The following SLC11A1 variants were observed in gnomAD, a reference collection of about 807,000 sequenced individuals.
SLC11A1 encodes the protein natural resistance-associated macrophage protein 1.
Under a neutral mutation model 63.2 loss-of-function variants are expected in SLC11A1, and 59 were observed. The observed-to-expected ratio is 0.93, with a 90% CI of 0.76 to 1.16. The LOEUF (loss-of-function observed/expected upper bound fraction) is 1.16, where lower values mean the gene tolerates loss of function less well. SLC11A1 is among the 50% of genes most tolerant of loss of function. The probability of loss-of-function intolerance (pLI) is 0.00; values close to 1 mark genes in which losing one functional copy is unlikely to be tolerated. For synonymous variants in SLC11A1, 305 were observed against 307.8 expected (o/e 0.99, Z 0.09); for missense variants, 688 against 730.7 (o/e 0.94, Z 0.67).
chr2:218,394,124 C>CGT lies in SLC11A1; in HGVS notation c.1320_1321dup (p.Phe441CysfsTer25). 2 of 1,614,022 alleles carry CGT rather than the reference C, an allele frequency of 1.2e-6. No individual in the cohort carries two copies. Among genetic ancestry groups the CGT allele is most frequent in the Non-Finnish European group, 1.7e-6 (2 of 1,179,998 alleles). ...GGCTCCTGCTGCTCTCCCCAGCTCC[C>CGT]GTTCGCCGTGCTGCCCATCCTCACG... On this transcript the variant is annotated frameshift_variant, in exon 13 of 15. Transcript: ENST00000233202. LOFTEE classifies it high-confidence loss of function.
In SLC11A1 at chr2:218,394,698, C is replaced by T; in HGVS notation, c.1455C>T (p.Val485=). Reference sequence around the variant, plus strand: ...GCGCCATCAACCTCTACTTCGTGGTCAGCTATCTGCCCAGCCTGCCCCACC... The same window carrying T: ...GCGCCATCAACCTCTACTTCGTGGTTAGCTATCTGCCCAGCCTGCCCCACC... ...LVCAINLYFV[V]SYLPSLPHPA... The change falls in exon 14 of 15, where the codon GTC becomes GTT. Residue 485 remains valine, a synonymous_variant. Transcript: ENST00000233202. The T allele has an allele frequency of 1.9e-6, 3 of 1,614,112 alleles. No homozygotes were observed. The highest frequency in any genetic ancestry group is 2.2e-5 in the East Asian group (1 of 44,892).
chr2:218,385,405 T>C (rs771873591), intron 4 of SLC11A1, 139 bp downstream of exon 4: 1 of 1,338,184 alleles, frequency 7.5e-7, no homozygotes, highest in South Asian at 1.2e-5. Context: ...GTTTGTTTGT[T>C]TTTCAGTCGG....
chr2:218,387,983 C>A lies in SLC11A1; in HGVS notation c.795+28C>A, dbSNP rs528282596. The A allele has an allele frequency of 4.4e-5, 69 of 1,563,698 alleles. No individual in the cohort carries two copies. The South Asian group carries it at 7.5e-4, about 17-fold the overall frequency. On this transcript the variant is annotated intron_variant, in intron 8 of 14. Coordinates refer to ENST00000233202, the MANE Select transcript of SLC11A1 (RefSeq NM_000578.4). ...GAGCAGAGGGGAGGGGAAAGGAGAC[C>A]CCCTCACTCAGTCGGAGCCATGCTG...
chr2:218,383,022 C>G lies in SLC11A1; in HGVS notation c.70C>G (p.Pro24Ala). 1 of 1,614,076 alleles carries G rather than the reference C, an allele frequency of 6.2e-7. No individual in the cohort carries two copies. Among genetic ancestry groups the G allele is most frequent in the Non-Finnish European group, 8.5e-7 (1 of 1,179,992 alleles). ...TGGTTCCATCTCCAGCCCGACCAGC[C>G]CGACCAGCCCAGGGCCACAGCAAGC... The part of the protein sequence containing the change: ...SYGSISSPTS[P>A]TSPGPQQAPP... The change falls in exon 2 of 15, where the codon CCG becomes GCG. Residue 24 changes from proline to alanine, a missense_variant. Pro to Ala is a conservative substitution (Grantham distance 27, BLOSUM62 -1). Transcript: ENST00000233202.
rs766621082 is a variant in SLC11A1, at chr2:218,386,789, T to C, written c.500+48T>C. Reference sequence around the variant, plus strand: ...CTCTTCAGGCCAGGCAGAGAACAGCTGCTGCTACTTCCCCCCCTAACCAGT... The same window carrying C: ...CTCTTCAGGCCAGGCAGAGAACAGCCGCTGCTACTTCCCCCCCTAACCAGT... On this transcript the variant is annotated intron_variant, in intron 5 of 14. Coordinates refer to ENST00000233202, the MANE Select transcript of SLC11A1 (RefSeq NM_000578.4). The C allele has an allele frequency of 2.2e-6, 3 of 1,380,914 alleles. No homozygotes were observed. The South Asian group carries it at 3.6e-5, about 16-fold the overall frequency. 85.5% of individuals were successfully genotyped at this position (1,380,914 alleles called of 1,614,324 possible). A position where few individuals can be genotyped will look rare whatever the true frequency, so the allele number is the denominator to read the frequency against.
Position 218,385,279 on chromosome 2 carries a change from G to T in SLC11A1, c.393+13G>T, listed in dbSNP as rs767067854. ...CTACTACCCTAAGGTGAGCTTGGGG[G>T]GCCTGGACAGGGAGAACCACTGGCC... On this transcript the variant is annotated intron_variant, in intron 4 of 14. Transcript: ENST00000233202. The T allele has an allele frequency of 6.2e-7, 1 of 1,613,774 alleles. No homozygotes were observed. The highest frequency in any genetic ancestry group is 1.7e-5 in the Admixed American group (1 of 60,014).
At position 218,387,813 on chromosome 2, in the gene SLC11A1, G is replaced by A. The variant is rs1696189592; in HGVS notation, c.653G>A (p.Arg218His). ...LTFGYEYVVA[R>H]PEQGALLRGL... ...TCCTCCCTGCAGTATGTGGTGGCGC[G>A]TCCTGAGCAGGGAGCGCTTCTTCGG... The change falls in exon 8 of 15, where the codon CGT becomes CAT. Residue 218 changes from arginine (R) to histidine (H), a missense_variant. By Grantham distance (29) the Arg-to-His change is conservative. Coordinates refer to ENST00000233202, the MANE Select transcript of SLC11A1 (RefSeq NM_000578.4). The A allele has an allele frequency of 1.9e-6, 3 of 1,607,584 alleles. No homozygotes were observed. The highest frequency in any genetic ancestry group is 2.5e-6 in the Non-Finnish European group (3 of 1,177,166).
At chr2:218,390,091 G>A (rs1268008204) in intron 9 of SLC11A1, 63 bp downstream of exon 9, 16 of 1,532,196 alleles carry the variant, frequency 1.0e-5, no homozygotes, top group South Asian at 2.5e-5. Context: ...AAGCCTTGCC[G>A]AGGACCCTAG....
chr2:218,386,149 G>A (rs1214277254), intron 4 of SLC11A1, among the ~76,000 whole-genome samples: 1 of 152,308 alleles, frequency 6.6e-6, no homozygotes. Context: ...ACAAGAAGCA[G>A]GGGGAGAAAA....
Position 218,395,270 on chromosome 2 carries a change from AAC to A in SLC11A1, c.*239_*240del, listed in dbSNP as rs796146703. 17 of 545,084 alleles carry A rather than the reference AAC, an allele frequency of 3.1e-5. No individual in the cohort carries two copies. In the African/African-American group the frequency reaches 3.2e-4, roughly 10 times the overall value. The allele number at this position is 545,084 out of a possible 1,614,324, so 33.8% of individuals were successfully genotyped here. A position where few individuals can be genotyped will look rare whatever the true frequency, so the allele number is the denominator to read the frequency against. The stretch of plus-strand genomic sequence containing the variant: ...CCTTGCCATGGAGGTTAAGCACTTT[AAC>A]ACAGTGTCTGGCACTTGGGACAAAA... On this transcript the variant is annotated 3_prime_UTR_variant, in exon 15 of 15. Coordinates refer to ENST00000233202, the MANE Select transcript of SLC11A1 (RefSeq NM_000578.4).
chr2:218,383,673 T>C (rs17228967), intron 2 of SLC11A1: 13,888 of 152,468 alleles, frequency 0.091, 848 homozygotes, highest in African/African-American at 0.18. Flanking sequence ...AGAGACAGGG[T>C]TTCACCATGT....
At chr2:218,394,338 C>A in intron 13 of SLC11A1, 145 bp downstream of exon 13, 1 of 853,944 alleles carries the variant, frequency 1.2e-6, no homozygotes, top group Non-Finnish European at 1.8e-6. Context: ...CAGGTTCACA[C>A]AGCTAGCAAG....
chr2:218,395,157 G>A lies in SLC11A1; in HGVS notation c.*122G>A, dbSNP rs920484432. ...GTTCCTGAGACCAGCCAACCTGGGGGCTTTAGGGACCTGCTGTTTCCTAGC... is the reference window on the plus strand; with the variant it reads ...GTTCCTGAGACCAGCCAACCTGGGGACTTTAGGGACCTGCTGTTTCCTAGC... On this transcript the variant is annotated 3_prime_UTR_variant, in exon 15 of 15. Transcript: ENST00000233202. 2 of 704,424 alleles carry A rather than the reference G, an allele frequency of 2.8e-6. No individual in the cohort carries two copies. Among genetic ancestry groups the A allele is most frequent in the African/African-American group, 1.8e-5 (1 of 56,590 alleles). The allele number at this position is 704,424 out of a possible 1,614,324, so 43.6% of individuals were successfully genotyped here.
In SLC11A1 at chr2:218,387,201, CCTT is replaced by C. The variant is rs752056186; in HGVS notation, c.550_552del (p.Phe184del). ...GGCGTCCTCATCACCATCGTGGACA[CCTT>C]CTTCTTCCTCTTCCTCGATAACTAC... On this transcript the variant is annotated inframe_deletion, in exon 6 of 15. Transcript: ENST00000233202. 5.6e-6 allele frequency: 9 copies of C among 1,614,070 alleles called. No homozygotes were observed. Among genetic ancestry groups the C allele is most frequent in the South Asian group, 2.2e-5 (2 of 91,068 alleles).
chr2:218,390,939 T>A (rs369537891), intron 9 of SLC11A1, among the ~76,000 whole-genome samples: 60 of 152,034 alleles, frequency 3.9e-4, no homozygotes, highest in African/African-American at 1.4e-3. Flanking sequence ...CCCAGCACTT[T>A]GGGAGGCTGA....
chr2:218,394,607 CCTG>C (rs777388830), intron 13 of SLC11A1, 22 bp from the exon 14 acceptor site: 1 of 1,611,040 alleles, frequency 6.2e-7, no homozygotes, highest in East Asian at 2.2e-5. Context: ...ACCAGCCAGT[CCTG>C]AGCCTCTCTC....
chr2:218,389,861 T>C lies in SLC11A1; in HGVS notation c.796-9T>C, dbSNP rs768455964. 6 of 1,602,914 alleles carry C rather than the reference T, an allele frequency of 3.7e-6. No homozygotes were observed. The South Asian group carries it at 6.7e-5, about 18-fold the overall frequency. On this transcript the variant is annotated splice_polypyrimidine_tract_variant and intron_variant, in intron 8 of 14. Coordinates refer to ENST00000233202, the MANE Select transcript of SLC11A1 (RefSeq NM_000578.4). ...CTTTGGCACTTCCCTCTCCCTTTGA[T>C]CTTCGTAGTCTCGAGAGATAGACCG...
At chr2:218,390,065 C>CGTACT (rs1446744552) in intron 9 of SLC11A1, 37 bp downstream of exon 9, 1 of 1,588,502 alleles carries the variant, frequency 6.3e-7, no homozygotes, top group Non-Finnish European at 8.6e-7. Context: ...AGGCCACACA[C>CGTACT]GTACTCATGT....
intron 2 of SLC11A1, 172 bp downstream of exon 2, chr2:218,383,274 A>C (rs1695902959): frequency 1.5e-6 from 1 of 648,186 alleles, no homozygotes; most frequent in Non-Finnish European, 2.6e-6. Flanking sequence ...CCCAGTGCTT[A>C]GCTGGGGTGC....
Sources: allele counts gnomAD v4.1 joint callset (sites outside exome capture counted in the v4.1 genomes callset), GRCh38; gene constraint gnomAD v4.1.1; transcripts MANE v1.5; gene names NCBI Gene and HGNC (gene_info 2026-07-23, HGNC 2026-07-21).